Variants in SLCO6A1 observed in about 807,000 individuals in gnomAD.
SLCO6A1 encodes the protein solute carrier organic anion transporter family member 6A1, also known as cancer/testis antigen 48.
In SLCO6A1, 65 loss-of-function variants were observed where a neutral mutation model predicts 72.7. That is an observed-to-expected ratio of 0.89 (90% CI 0.73 to 1.10). The LOEUF is 1.10. SLCO6A1 is among the 50% of genes least tolerant of loss of function. SLCO6A1 has a pLI of 0.00. For missense variants in SLCO6A1, 874 were observed against 872.6 expected (o/e 1.00, Z -0.02); for synonymous variants, 314 against 298.2 (o/e 1.05, Z -0.55).
At position 102,390,945 on chromosome 5, in the gene SLCO6A1, A is replaced by AT; in HGVS notation, c.1879+35dup. The AT allele has an allele frequency of 1.9e-6, 3 of 1,573,782 alleles. No individual in the cohort carries two copies. In the Middle Eastern group the frequency reaches 5.1e-4, roughly 268 times the overall value. ...TAGACATATATACATATCAAAAAAC[A>AT]TTTTGATGTAATAAGAGATTGCCAA... On this transcript the variant is annotated intron_variant, in intron 11 of 13. Transcript: ENST00000506729.
intron 9 of SLCO6A1, among the ~76,000 whole-genome samples, chr5:102,406,135 A>G (rs1561434430): frequency 6.6e-6 from 1 of 150,488 alleles, no homozygotes; most frequent in Non-Finnish European, 1.5e-5. Context: ...AGCCATACTG[A>G]TAACTCTATT....
At chr5:102,388,301 A>C (rs1455430351) in intron 12 of SLCO6A1, among the ~76,000 whole-genome samples, 1 of 152,026 alleles carries the variant, frequency 6.6e-6, no homozygotes, top group African/African-American at 2.4e-5. Flanking sequence ...TAGTTTCTAA[A>C]ATTTTTACTA....
In SLCO6A1 at chr5:102,482,846, A is replaced by G. The variant is rs183309247; in HGVS notation, c.359-2412T>C. On this transcript the variant is annotated intron_variant, in intron 1 of 13. Transcript: ENST00000506729. ...TAAATGGCTAATTTAGTGAGGAGAA[A>G]TTACTGCCCACTTCATAACAGAACC... Among the ~76,000 whole-genome samples, 6 of 152,290 alleles carry G rather than the reference A, an allele frequency of 3.9e-5. No individual in the cohort carries two copies. In the East Asian group the frequency reaches 1.2e-3, roughly 29 times the overall value.
intron 7 of SLCO6A1, among the ~76,000 whole-genome samples, chr5:102,423,772 T>G (rs1748738308): frequency 6.6e-6 from 1 of 152,018 alleles, no homozygotes; most frequent in Non-Finnish European, 1.5e-5. Context: ...ACCAAGCTGA[T>G]CTAATAGACA....
chr5:102,464,099 C>T (rs1751192394), intron 4 of SLCO6A1, among the ~76,000 whole-genome samples: 1 of 151,800 alleles, frequency 6.6e-6, no homozygotes, highest in African/African-American at 2.4e-5. Flanking sequence ...GTGTACACTT[C>T]TCAGGTGGTG....
chr5:102,418,904 G>C (rs137864432), intron 8 of SLCO6A1, among the ~76,000 whole-genome samples: 106 of 151,998 alleles, frequency 7.0e-4, no homozygotes, highest in Non-Finnish European at 1.1e-3. Flanking sequence ...GTTATAAGCC[G>C]GCAGAGTGTT....
chr5:102,480,114 TC>T, intron 2 of SLCO6A1, 62 bp downstream of exon 2: 1 of 1,432,646 alleles, frequency 7.0e-7, no homozygotes, highest in South Asian at 1.4e-5. Context: ...TATTTTAAGT[TC>T]CTTGAGCCAA....
intron 8 of SLCO6A1, among the ~76,000 whole-genome samples, chr5:102,413,411 TA>T (rs200887916): frequency 0.22 from 32,694 of 148,904 alleles, 3,886 homozygotes; most frequent in Non-Finnish European, 0.24. Flanking sequence ...AACATAATAA[TA>T]AAAAAAAAAA....
intron 10 of SLCO6A1, among the ~76,000 whole-genome samples, chr5:102,394,584 G>A (rs1057367517): frequency 6.6e-6 from 1 of 152,026 alleles, no homozygotes; most frequent in African/African-American, 2.4e-5. Flanking sequence ...AGAAGGAATA[G>A]ATTGGTTGAA....
At chr5:102,490,204 A>C (rs1752611971) in intron 1 of SLCO6A1, among the ~76,000 whole-genome samples, 1 of 152,174 alleles carries the variant, frequency 6.6e-6, no homozygotes, top group Non-Finnish European at 1.5e-5. Context: ...CCCTATTAAC[A>C]ATAATGTACT....
intron 6 of SLCO6A1, among the ~76,000 whole-genome samples, chr5:102,443,682 A>T (rs1044488705): frequency 6.6e-6 from 1 of 152,224 alleles, no homozygotes; most frequent in Non-Finnish European, 1.5e-5. Context: ...TCTGAAAGGG[A>T]CTGTGAGAAT....
chr5:102,464,963 T>C (rs1751237701), intron 4 of SLCO6A1, among the ~76,000 whole-genome samples: 1 of 152,122 alleles, frequency 6.6e-6, no homozygotes, highest in Non-Finnish European at 1.5e-5. Context: ...AATCCATCAC[T>C]TTTGTACCTC....
intron 4 of SLCO6A1, among the ~76,000 whole-genome samples, chr5:102,464,269 T>C (rs753789176): frequency 3.3e-5 from 5 of 152,162 alleles, no homozygotes; most frequent in Non-Finnish European, 7.4e-5. Context: ...TATTTGATGA[T>C]AAAAAACTTT....
At chr5:102,429,476 T>C (rs978751018) in intron 7 of SLCO6A1, among the ~76,000 whole-genome samples, 3 of 152,210 alleles carry the variant, frequency 2.0e-5, no homozygotes, top group Non-Finnish European at 4.4e-5. Context: ...AAGTTGATTT[T>C]TGTATATGGT....
rs1747162500 is a variant in SLCO6A1 at position 102,397,611 on chromosome 5, C to A, written c.1814+1944G>T. The stretch of plus-strand genomic sequence containing the variant: ...TCTCCTTCTTTCCTGAGAGATTCTT[C>A]CTCAACTTATCTATGTAAGTCCTGC... On this transcript the variant is annotated intron_variant, in intron 10 of 13. Transcript: ENST00000506729. Among the ~76,000 whole-genome samples, 4 of 152,152 alleles carry A rather than the reference C, an allele frequency of 2.6e-5. No individual in the cohort carries two copies. In the South Asian group the frequency reaches 8.3e-4, roughly 32 times the overall value.
intron 6 of SLCO6A1, among the ~76,000 whole-genome samples, chr5:102,450,264 C>G: frequency 6.6e-6 from 1 of 152,190 alleles, no homozygotes; most frequent in East Asian, 1.9e-4. Context: ...GGCTATGTTC[C>G]TTTAACCATG....
At chr5:102,423,799 C>T (rs1297997388) in intron 7 of SLCO6A1, among the ~76,000 whole-genome samples, 4 of 152,156 alleles carry the variant, frequency 2.6e-5, no homozygotes, top group Admixed American at 2.6e-4. Context: ...GAACTCTTCA[C>T]CCCAAATTAA....
chr5:102,465,009 T>C (rs943395271), intron 4 of SLCO6A1, among the ~76,000 whole-genome samples: 1 of 152,120 alleles, frequency 6.6e-6, no homozygotes, highest in Admixed American at 6.6e-5. Context: ...AAAAAAAAAA[T>C]CTTGGGTGAG....
chr5:102,454,804 T>C (rs1750613940), intron 6 of SLCO6A1, among the ~76,000 whole-genome samples: 2 of 151,720 alleles, frequency 1.3e-5, no homozygotes, highest in South Asian at 4.1e-4. Context: ...TTGGCTTCTG[T>C]ATAGTTAAAA....
Sources: gnomAD v4.1 joint callset for allele counts (sites outside exome capture counted in the v4.1 genomes callset) on GRCh38, gnomAD v4.1.1 for gene constraint, MANE v1.5 for transcripts, NCBI Gene and HGNC (gene_info 2026-07-23, HGNC 2026-07-21) for gene names.